The following DCLK1 variants were observed in gnomAD, a reference collection of about 807,000 sequenced individuals.
DCLK1 encodes doublecortin like kinase 1.
In DCLK1, 16 loss-of-function variants were observed where a neutral mutation model predicts 86.2. That is an observed-to-expected ratio of 0.19 (90% CI 0.13 to 0.28). The LOEUF (loss-of-function observed/expected upper bound fraction) is 0.28. DCLK1 is among the 10% of genes least tolerant of loss of function. The probability of loss-of-function intolerance (pLI) is 1.00; values close to 1 mark genes in which losing one functional copy is unlikely to be tolerated. For synonymous variants in DCLK1, 369 were observed against 370.5 expected (o/e 1.00, Z 0.05); for missense variants, 590 against 940.2 (o/e 0.63, Z 4.87).
At chr13:36,115,746 T>A (rs1047123128) in intron 2 of DCLK1, among the ~76,000 whole-genome samples, 2 of 151,616 alleles carry the variant, frequency 1.3e-5, no homozygotes. Context: ...ACAGTTTTTT[T>A]AAAAGTAAGG....
chr13:36,045,808 G>A (rs550085448), intron 3 of DCLK1, among the ~76,000 whole-genome samples: 2 of 151,728 alleles, frequency 1.3e-5, no homozygotes, highest in Admixed American at 1.3e-4. Flanking sequence ...AGCTGAGATA[G>A]CGCCACTGTA....
intron 3 of DCLK1, among the ~76,000 whole-genome samples, chr13:36,035,762 A>G (rs1360812787): frequency 2.0e-5 from 3 of 152,118 alleles, no homozygotes; most frequent in Non-Finnish European, 4.4e-5. Flanking sequence ...CACTGGCAAA[A>G]GTACGTACAT....
intron 4 of DCLK1, among the ~76,000 whole-genome samples, chr13:35,909,930 C>A (rs1377088083): frequency 1.3e-5 from 2 of 152,178 alleles, no homozygotes; most frequent in African/African-American, 4.8e-5. Context: ...TCTTGAAAAG[C>A]TTCTAGCAGC....
intron 6 of DCLK1, among the ~76,000 whole-genome samples, chr13:35,844,221 A>G (rs1288094702): frequency 6.6e-6 from 1 of 152,246 alleles, no homozygotes; most frequent in Non-Finnish European, 1.5e-5. Context: ...AAAATGTAAA[A>G]TGTTATCATA....
At position 35,955,373 on chromosome 13, in the gene DCLK1, G is replaced by C. The variant is rs73523632; in HGVS notation, c.724-7916C>G. Among the ~76,000 whole-genome samples, 1,405 of 152,170 alleles carry C rather than the reference G, an allele frequency of 9.2e-3. 21 individuals carry two copies. Among genetic ancestry groups the C allele is most frequent in the African/African-American group, 0.032 (1,327 of 41,494 alleles). ...GAGGCACCAGATGATCTGGTGTCTG[G>C]TGAGGGCCTGCTTTCTCACTTTAGC... On this transcript the variant is annotated intron_variant, in intron 3 of 16. Coordinates refer to ENST00000360631, the MANE Select transcript of DCLK1 (RefSeq NM_001330071.2).
At chr13:36,011,237 T>C (rs1881252479) in intron 3 of DCLK1, among the ~76,000 whole-genome samples, 1 of 59,266 alleles carries the variant, frequency 1.7e-5, no homozygotes. Flanking sequence ...TCAGTTCTGC[T>C]CTGATTTTAG....
At chr13:35,864,373 G>A (rs1472848081) in intron 5 of DCLK1, among the ~76,000 whole-genome samples, 1 of 100,110 alleles carries the variant, frequency 1.0e-5, no homozygotes, top group Non-Finnish European at 2.1e-5. Context: ...AGACCATCCC[G>A]GCTAAAACGG....
At chr13:36,102,200 T>A (rs1885242824) in intron 3 of DCLK1, among the ~76,000 whole-genome samples, 1 of 152,118 alleles carries the variant, frequency 6.6e-6, no homozygotes, top group Admixed American at 6.5e-5. Flanking sequence ...TTTTTTTTTT[T>A]TTTTTTAAGC....
At position 36,111,765 on chromosome 13, in the gene DCLK1, G is replaced by A. The variant is rs936177872; in HGVS notation, c.723+104C>T. 8.3e-6 allele frequency: 8 copies of A among 968,046 alleles called. No homozygotes were observed. The African/African-American group carries it at 9.7e-5, about 12-fold the overall frequency. 60.0% of individuals were successfully genotyped at this position (968,046 alleles called of 1,614,324 possible). On this transcript the variant is annotated intron_variant, in intron 3 of 16. Coordinates refer to ENST00000360631, the MANE Select transcript of DCLK1 (RefSeq NM_001330071.2). ...ACATATTTGTTGATCAAGTGACCCA[G>A]GCCCTTTAACAACTTGAGCAAAATG...
intron 1 of DCLK1, among the ~76,000 whole-genome samples, chr13:36,128,274 A>G (rs567402671): frequency 1.5e-4 from 23 of 152,314 alleles, no homozygotes; most frequent in South Asian, 4.1e-4. Flanking sequence ...TCTAAACCTC[A>G]TATTAATCCA....
chr13:35,951,232 T>TTGGA (rs1291349997), intron 3 of DCLK1, among the ~76,000 whole-genome samples: 2 of 150,280 alleles, frequency 1.3e-5, no homozygotes, highest in East Asian at 4.0e-4. Context: ...TAAGCATTTG[T>TTGGA]TGGATGGATG....
chr13:35,821,596 T>TATG (rs2087394142), intron 11 of DCLK1, among the ~76,000 whole-genome samples: 1 of 151,778 alleles, frequency 6.6e-6, no homozygotes, highest in Admixed American at 6.6e-5. Flanking sequence ...ACTCATATAT[T>TATG]TATACATAAT....
intron 3 of DCLK1, among the ~76,000 whole-genome samples, chr13:36,031,492 C>A (rs1030350368): frequency 8.5e-5 from 13 of 152,158 alleles, no homozygotes; most frequent in African/African-American, 3.1e-4. Flanking sequence ...TGTGTTCGTA[C>A]ATATGTCATC....
intron 3 of DCLK1, among the ~76,000 whole-genome samples, chr13:36,073,946 C>T (rs1415571871): frequency 6.6e-6 from 1 of 152,178 alleles, no homozygotes; most frequent in Non-Finnish European, 1.5e-5. Flanking sequence ...TCTATAAGAA[C>T]TATAATATCT....
At chr13:35,953,569 A>C (rs1593763261) in intron 3 of DCLK1, among the ~76,000 whole-genome samples, 1 of 152,294 alleles carries the variant, frequency 6.6e-6, no homozygotes, top group Admixed American at 6.5e-5. Context: ...CATTACGCAC[A>C]GTCGTCCCAA....
chr13:36,080,255 G>A (rs1434596058), intron 3 of DCLK1, among the ~76,000 whole-genome samples: 4 of 152,070 alleles, frequency 2.6e-5, no homozygotes, highest in Admixed American at 6.5e-5. Context: ...TCGGGTGGAG[G>A]GCATAAGAAA....
intron 3 of DCLK1, among the ~76,000 whole-genome samples, chr13:36,108,075 T>TAA (rs11297157): frequency 3.4e-5 from 5 of 148,540 alleles, no homozygotes; most frequent in African/African-American, 4.9e-5. Context: ...GGCCCAGATT[T>TAA]AAAAAAAAAA....
intron 3 of DCLK1, among the ~76,000 whole-genome samples, chr13:35,973,757 CT>C (rs2153140018): frequency 6.6e-6 from 1 of 152,286 alleles, no homozygotes; most frequent in East Asian, 1.9e-4. Context: ...AACGGGGAAC[CT>C]GATCCTGCAG....
intron 15 of DCLK1, among the ~76,000 whole-genome samples, chr13:35,793,725 TA>T (rs35264802): frequency 0.021 from 3,152 of 149,686 alleles, 112 homozygotes; most frequent in African/African-American, 0.071. Context: ...GTCTCTAAAT[TA>T]AAAAAAAAAA....
Sources: gnomAD v4.1 joint callset for allele counts (sites outside exome capture counted in the v4.1 genomes callset) on GRCh38, gnomAD v4.1.1 for gene constraint, MANE v1.5 for transcripts, NCBI Gene and HGNC (gene_info 2026-07-23, HGNC 2026-07-21) for gene names.